Variants in EDIL3 observed in about 807,000 individuals in gnomAD.
EDIL3 encodes EGF like and discoidin domains 3.
EDIL3 carries 37 observed loss-of-function variants against 67.4 expected under a neutral mutation model. The ratio of observed to expected loss-of-function variants is 0.55; its 90% CI spans 0.42 to 0.72. The LOEUF (loss-of-function observed/expected upper bound fraction) is 0.72. Ranked by LOEUF, EDIL3 falls within the 30% of genes least tolerant of loss-of-function variation. The pLI, the probability that EDIL3 is intolerant of heterozygous loss-of-function variation, is 0.00. For synonymous variants in EDIL3, 195 were observed against 196.3 expected, an observed-to-expected ratio of 0.99 and a Z score of 0.05; for missense variants, 527 against 586.3, an observed-to-expected ratio of 0.90 and a Z score of 1.04.
At chr5:84,110,351 A>G (rs1376358223) in intron 5 of EDIL3, among the ~76,000 whole-genome samples, 3 of 152,178 alleles carry the variant, frequency 2.0e-5, no homozygotes, top group Non-Finnish European at 1.5e-5. Flanking sequence ...CCCATATCCT[A>G]TTAAATTCAA....
At chr5:83,986,927 A>G (rs1028136924) in intron 9 of EDIL3, among the ~76,000 whole-genome samples, 2 of 152,132 alleles carry the variant, frequency 1.3e-5, no homozygotes, top group Non-Finnish European at 2.9e-5. Context: ...GCTGGAATGG[A>G]AGGTTTGAGT....
chr5:84,345,414 T>C (rs1445534782), intron 1 of EDIL3, among the ~76,000 whole-genome samples: 1 of 152,160 alleles, frequency 6.6e-6, no homozygotes, highest in African/African-American at 2.4e-5. Context: ...AAAAATAAGA[T>C]ACTCTTCCAA....
chr5:84,289,632 T>C (rs1745875775), intron 1 of EDIL3, among the ~76,000 whole-genome samples: 1 of 152,162 alleles, frequency 6.6e-6, no homozygotes, highest in African/African-American at 2.4e-5. Context: ...CCTTGGTCTT[T>C]ATCCTACCTG....
chr5:83,977,435 G>A (rs1360065804), intron 9 of EDIL3, among the ~76,000 whole-genome samples: 3 of 151,526 alleles, frequency 2.0e-5, no homozygotes, highest in Admixed American at 2.0e-4. Context: ...ATCCACTTTT[G>A]GTGCCAGGAA....
At chr5:84,042,258 A>G (rs1746140545) in intron 9 of EDIL3, among the ~76,000 whole-genome samples, 1 of 151,932 alleles carries the variant, frequency 6.6e-6, no homozygotes, top group Non-Finnish European at 1.5e-5. Context: ...TATCATTTTC[A>G]ATAGCATTAA....
chr5:84,301,422 G>A (rs544968291), intron 1 of EDIL3, among the ~76,000 whole-genome samples: 1 of 152,076 alleles, frequency 6.6e-6, no homozygotes, highest in East Asian at 1.9e-4. Flanking sequence ...TTTTAGACTT[G>A]TCAATCTCAA....
At chr5:84,282,811 C>A (rs988379575) in intron 1 of EDIL3, among the ~76,000 whole-genome samples, 1 of 152,090 alleles carries the variant, frequency 6.6e-6, no homozygotes, top group Non-Finnish European at 1.5e-5. Context: ...TTGCATTTCT[C>A]TGATTTCTGT....
At chr5:84,315,820 A>T (rs982499374) in intron 1 of EDIL3, among the ~76,000 whole-genome samples, 3 of 152,196 alleles carry the variant, frequency 2.0e-5, no homozygotes, top group Non-Finnish European at 4.4e-5. Context: ...AGATTCACCC[A>T]GGTTGAAATG....
intron 1 of EDIL3, among the ~76,000 whole-genome samples, chr5:84,299,328 T>C (rs1446349490): frequency 7.0e-6 from 1 of 143,584 alleles, no homozygotes; most frequent in African/African-American, 2.5e-5. Context: ...CTTTTAGGAC[T>C]CTCAGCATTA....
rs1285685272 is a variant in EDIL3, at chr5:83,941,819, T to C, written c.*1600A>G. ...CTTAGACGAACTAATTTTGTTCTTA[T>C]TAAAAATGCCAATACAATTGACTTT... On this transcript the variant is annotated 3_prime_UTR_variant, in exon 11 of 11. Transcript: ENST00000296591. The C allele has an allele frequency of 6.6e-6, 1 of 152,006 alleles. No homozygotes were observed. The highest frequency in any genetic ancestry group is 2.4e-5 in the African/African-American group (1 of 41,448). The allele number at this position is 152,006 out of a possible 1,614,324, so 9.4% of individuals were successfully genotyped here. A position where few individuals can be genotyped will look rare whatever the true frequency, so the allele number is the denominator to read the frequency against.
chr5:83,949,757 G>A (rs140761590), intron 10 of EDIL3, among the ~76,000 whole-genome samples: 64 of 151,852 alleles, frequency 4.2e-4, no homozygotes, highest in African/African-American at 1.5e-3. Flanking sequence ...TGTGTAATAC[G>A]AGTGTGCAGT....
At chr5:84,357,286 C>T (rs1286838470) in intron 1 of EDIL3, among the ~76,000 whole-genome samples, 1 of 151,974 alleles carries the variant, frequency 6.6e-6, no homozygotes, top group Non-Finnish European at 1.5e-5. Context: ...TTTCCATTTC[C>T]TTAATTTGTA....
Position 84,198,686 on chromosome 5 carries a change from A to G in EDIL3, c.227-18165T>C, listed in dbSNP as rs1743770332. Among the ~76,000 whole-genome samples the G allele has an allele frequency of 2.0e-5, 3 of 152,102 alleles. No homozygotes were observed. The South Asian group carries it at 6.2e-4, about 31-fold the overall frequency. On this transcript the variant is annotated intron_variant, in intron 3 of 10. Transcript: ENST00000296591. The stretch of plus-strand genomic sequence containing the variant: ...GTTCTGGAAATACTGTGTTAAGAAA[A>G]GGAAGATTCCTAAGAATATGTGCAG...
At chr5:84,154,124 T>C (rs558051469) in intron 4 of EDIL3, among the ~76,000 whole-genome samples, 30 of 152,250 alleles carry the variant, frequency 2.0e-4, no homozygotes, top group African/African-American at 6.7e-4. Context: ...GAAAAGAAAA[T>C]GAAACATGCA....
chr5:84,091,269 CT>C (rs1747161341), intron 6 of EDIL3, among the ~76,000 whole-genome samples: 1 of 152,186 alleles, frequency 6.6e-6, no homozygotes, highest in Non-Finnish European at 1.5e-5. Context: ...AAGAACAATA[CT>C]GGTTAGACGG....
intron 10 of EDIL3, among the ~76,000 whole-genome samples, chr5:83,960,427 G>T (rs1744588117): frequency 1.3e-5 from 2 of 150,982 alleles, no homozygotes; most frequent in South Asian, 4.2e-4. Flanking sequence ...TGTTTGAGGT[G>T]ATGGATATCC....
chr5:84,054,979 CA>C (rs1015779207), intron 9 of EDIL3, among the ~76,000 whole-genome samples: 2 of 145,844 alleles, frequency 1.4e-5, no homozygotes, highest in African/African-American at 2.7e-5. Context: ...CATATGGAAC[CA>C]AAAAATAGCC....
intron 9 of EDIL3, among the ~76,000 whole-genome samples, chr5:84,054,105 C>A (rs1257303747): frequency 7.9e-5 from 12 of 152,176 alleles, no homozygotes; most frequent in African/African-American, 2.7e-4. Flanking sequence ...AAAACCTTAT[C>A]CACCATGATC....
intron 9 of EDIL3, among the ~76,000 whole-genome samples, chr5:84,017,091 G>A (rs533507475): frequency 2.0e-5 from 3 of 152,156 alleles, no homozygotes; most frequent in African/African-American, 4.8e-5. Flanking sequence ...GTTTTATAAC[G>A]TTTTTAATGA....
Sources: gnomAD v4.1 joint callset for allele counts (sites outside exome capture counted in the v4.1 genomes callset) on GRCh38, gnomAD v4.1.1 for gene constraint, MANE v1.5 for transcripts, NCBI Gene and HGNC (gene_info 2026-07-23, HGNC 2026-07-21) for gene names.